The following BICRA variants were observed in gnomAD, a reference collection of about 807,000 sequenced individuals.
BICRA encodes the protein BRD4 interacting chromatin remodeling complex associated protein, also known as BRD4-interacting chromatin-remodeling complex-associated protein.
In BICRA, 31 loss-of-function variants were observed where a neutral mutation model predicts 96.9. The ratio of observed to expected loss-of-function variants is 0.32; its 90% CI spans 0.24 to 0.43. The LOEUF (loss-of-function observed/expected upper bound fraction) is 0.43. BICRA is among the 20% of genes least tolerant of loss of function. The probability of loss-of-function intolerance (pLI) is 1.00; values close to 1 mark genes in which losing one functional copy is unlikely to be tolerated. For missense variants in BICRA, 2,283 were observed against 2,190.3 expected, an observed-to-expected ratio of 1.04 and a Z score of -0.84; for synonymous variants, 1,350 against 1,071.8, an observed-to-expected ratio of 1.26 and a Z score of -5.07.
chr19:47,629,040 T>C (rs1438937091), intron 1 of BICRA, among the ~76,000 whole-genome samples: 2 of 152,206 alleles, frequency 1.3e-5, no homozygotes. Context: ...CTCGCTGTGT[T>C]GCCCAGGCTG....
At position 47,701,830 on chromosome 19, in the gene BICRA, G is replaced by A. The variant is rs955100830; in HGVS notation, c.4098G>A (p.Pro1366=). 84 of 1,522,974 alleles carry A rather than the reference G, an allele frequency of 5.5e-5. No individual in the cohort carries two copies. Among genetic ancestry groups the A allele is most frequent in the Admixed American group, 5.1e-4 (25 of 49,356 alleles). 94.3% of individuals were successfully genotyped at this position (1,522,974 alleles called of 1,614,324 possible). The part of the protein sequence containing the change: ...TGQMNGTVDH[P]PPAAPERKPL... ...AGATGAACGGCACGGTGGACCACCC[G>A]CCGCCTGCCGCCCCCGAGCGCAAGC... Residue 1366 remains proline, a synonymous_variant, in exon 15 of 15, where the codon CCG becomes CCA. Transcript: ENST00000594866. This position sits in a 1 kb window ranked among gnomAD's most constrained non-coding sequence, Gnocchi z 5.4.
chr19:47,702,335 C>T lies in BICRA; in HGVS notation c.4603C>T (p.Pro1535Ser). ...TGCCTCGGCCGGCACCCCCGCATCC[C>T]CGCCGCCCCTGCACAGGCCCGAGGC... The part of the protein sequence containing the change: ...HAASAGTPAS[P>S]PPLHRPEAYP... Residue 1535 changes from proline (P) to serine (S), a missense_variant, in exon 15 of 15, where the codon CCG becomes TCG. Coordinates refer to ENST00000594866, the MANE Select transcript of BICRA (RefSeq NM_001394372.1). 6.5e-7 allele frequency: 1 copy of T among 1,549,442 alleles called. No homozygotes were observed. The highest frequency in any genetic ancestry group is 1.4e-5 in the African/African-American group (1 of 71,896).
intron 1 of BICRA, among the ~76,000 whole-genome samples, chr19:47,660,095 C>T (rs1383312776): frequency 2.6e-5 from 4 of 152,122 alleles, no homozygotes; most frequent in Non-Finnish European, 2.9e-5. Context: ...AAACTATTCT[C>T]GTATAGTTCC....
chr19:47,636,652 C>T (rs756035792), intron 1 of BICRA, among the ~76,000 whole-genome samples: 27 of 152,258 alleles, frequency 1.8e-4, no homozygotes, highest in Non-Finnish European at 3.2e-4. Context: ...GGATTATAGG[C>T]GTGCACCACC....
chr19:47,702,372 C>T lies in BICRA; in HGVS notation c.4640C>T (p.Ser1547Phe), dbSNP rs760865535. The T allele has an allele frequency of 2.6e-6, 4 of 1,523,728 alleles. No homozygotes were observed. Among genetic ancestry groups the T allele is most frequent in the South Asian group, 1.2e-5 (1 of 81,498 alleles). The allele number at this position is 1,523,728 out of a possible 1,614,324, so 94.4% of individuals were successfully genotyped here. A position where few individuals can be genotyped will look rare whatever the true frequency, so the allele number is the denominator to read the frequency against. The stretch of plus-strand genomic sequence containing the variant: ...CACAGGCCCGAGGCCTACCCACCCT[C>T]CAGTCACAACGGTGGCCTCGGCGCC... ...PLHRPEAYPPSSHNGGLGART... is the reference protein window; with the variant it reads ...PLHRPEAYPPFSHNGGLGART... The change falls in exon 15 of 15, where the codon TCC (serine) becomes TTC (phenylalanine). Residue 1547 changes from serine to phenylalanine, a missense_variant. Transcript: ENST00000594866.
intron 5 of BICRA, 126 bp from the exon 6 acceptor site, chr19:47,679,195 C>G: frequency 3.4e-6 from 2 of 588,666 alleles, no homozygotes; most frequent in Non-Finnish European, 5.4e-6. Context: ...ACCACCATGC[C>G]AGGAGGGAAT....
Position 47,702,667 on chromosome 19 carries a change from C to G in BICRA, c.*252C>G. On this transcript the variant is annotated 3_prime_UTR_variant, in exon 15 of 15. Transcript: ENST00000594866. ...CCAAAGGAGGGGCAAAGTGCTGTGT[C>G]AGTTCCTGTTTCTTCCCATTTCCTG... The G allele has an allele frequency of 2.0e-6, 1 of 509,930 alleles. No homozygotes were observed. 31.6% of individuals were successfully genotyped at this position (509,930 alleles called of 1,614,324 possible). A position where few individuals can be genotyped will look rare whatever the true frequency, so the allele number is the denominator to read the frequency against.
chr19:47,680,302 C>G lies in BICRA; in HGVS notation c.1132C>G (p.Leu378Val). Residue 378 changes from leucine (L) to valine (V), a missense_variant, in exon 6 of 15, where the codon CTC becomes GTC. By Grantham distance (32) the Leu-to-Val change is conservative. Coordinates refer to ENST00000594866, the MANE Select transcript of BICRA (RefSeq NM_001394372.1). ...PKPFAPAGAT[L>V]TIQGEPGALP... is the part of the protein sequence containing the mutation. ...GCCGTTTGCGCCCGCGGGCGCCACG[C>G]TCACCATCCAGGGCGAGCCGGGGGC... The G allele has an allele frequency of 6.4e-7, 1 of 1,553,952 alleles. No individual in the cohort carries two copies. The highest frequency in any genetic ancestry group is 8.6e-7 in the Non-Finnish European group (1 of 1,158,422).
chr19:47,685,782 T>TGTGC (rs1555790108), intron 7 of BICRA, among the ~76,000 whole-genome samples: 42 of 124,924 alleles, frequency 3.4e-4, no homozygotes, highest in African/African-American at 1.2e-3. Flanking sequence ...TGTGTGTGTG[T>TGTGC]GTGTGCGCGC....
chr19:47,631,258 T>C (rs577825517), intron 1 of BICRA, among the ~76,000 whole-genome samples: 37 of 152,164 alleles, frequency 2.4e-4, no homozygotes, highest in African/African-American at 8.9e-4. Context: ...GACTGAGTCA[T>C]ACTCTGTCAC....
At chr19:47,668,231 G>A (rs979026670) in intron 1 of BICRA, among the ~76,000 whole-genome samples, 7 of 152,110 alleles carry the variant, frequency 4.6e-5, no homozygotes, top group South Asian at 2.1e-4. Flanking sequence ...CGCAGTCAGC[G>A]TGGTTTATCA....
intron 1 of BICRA, among the ~76,000 whole-genome samples, chr19:47,646,680 C>G (rs1972464564): frequency 6.6e-6 from 1 of 152,108 alleles, no homozygotes; most frequent in South Asian, 2.1e-4. Flanking sequence ...TGAGACACAG[C>G]GAGGTGAAGT....
At chr19:47,674,628 G>C (rs1459348454) in intron 4 of BICRA, among the ~76,000 whole-genome samples, 1 of 152,190 alleles carries the variant, frequency 6.6e-6, no homozygotes, top group Non-Finnish European at 1.5e-5. Flanking sequence ...TCAAGCTGTA[G>C]GCTGGGGCTG....
chr19:47,623,464 T>G (rs899520900), intron 1 of BICRA, among the ~76,000 whole-genome samples: 13 of 152,184 alleles, frequency 8.5e-5, no homozygotes, highest in Non-Finnish European at 5.9e-5. Flanking sequence ...CTTCCCAAGG[T>G]CACACAGGGA....
At chr19:47,608,893 G>GTTT (rs368469481), upstream of BICRA, among the ~76,000 whole-genome samples, 2 of 129,474 alleles carry the variant, frequency 1.5e-5, no homozygotes, top group Non-Finnish European at 3.2e-5. Flanking sequence ...AACCTGAGAG[G>GTTT]TTTTTTTTTT....
intron 1 of BICRA, among the ~76,000 whole-genome samples, chr19:47,615,249 T>C (rs2123503812): frequency 6.6e-6 from 1 of 152,346 alleles, no homozygotes; most frequent in Admixed American, 6.5e-5. Flanking sequence ...CCCAATGTGC[T>C]GGGATTACAG....
At position 47,629,439 on chromosome 19, in the gene BICRA, T is replaced by C. The variant is rs144607288; in HGVS notation, c.-108+20271T>C. Among the ~76,000 whole-genome samples the C allele has an allele frequency of 2.2e-3, 332 of 152,350 alleles. 1 individual carries two copies. The highest frequency in any genetic ancestry group is 7.8e-3 in the African/African-American group (324 of 41,590). On this transcript the variant is annotated intron_variant, in intron 1 of 14. Coordinates refer to ENST00000594866, the MANE Select transcript of BICRA (RefSeq NM_001394372.1). The stretch of plus-strand genomic sequence containing the variant: ...GACTCCTGTAGTATTTGTCATACTG[T>C]CACTGGCTTATTTCACTTATTGTAT...
chr19:47,679,289 G>A (rs1972988779), intron 5 of BICRA, 32 bp from the exon 6 acceptor site: 2 of 1,413,336 alleles, frequency 1.4e-6, no homozygotes, highest in African/African-American at 1.5e-5. Flanking sequence ...GCTAACCTCA[G>A]CTCTTTCCTT....
chr19:47,681,044 C>A lies in BICRA; in HGVS notation c.1874C>A (p.Pro625His). The change falls in exon 6 of 15, where the codon CCC (proline) becomes CAC (histidine). Residue 625 changes from proline to histidine, a missense_variant. Transcript: ENST00000594866. ...AAPVLTVQPAPQAPPAVSTPL... is the reference protein window; with the variant it reads ...AAPVLTVQPAHQAPPAVSTPL... ...CCTGTCCTCACGGTGCAGCCTGCCC[C>A]CCAGGCGCCCCCCGCGGTCAGCACA... is the stretch of plus-strand genomic sequence containing the variant. 7.1e-7 allele frequency: 1 copy of A among 1,412,928 alleles called. No homozygotes were observed. Among genetic ancestry groups the A allele is most frequent in the Non-Finnish European group, 9.2e-7 (1 of 1,091,330 alleles). 87.5% of individuals were successfully genotyped at this position (1,412,928 alleles called of 1,614,324 possible).
Sources: allele counts gnomAD v4.1 joint callset (sites outside exome capture counted in the v4.1 genomes callset), GRCh38; gene constraint gnomAD v4.1.1; non-coding constraint Gnocchi (gnomAD v3.1); transcripts MANE v1.5; gene names NCBI Gene and HGNC (gene_info 2026-07-23, HGNC 2026-07-21).